Variants in LINGO2 observed in about 807,000 individuals in gnomAD.
The protein encoded by LINGO2 is leucine-rich repeat and immunoglobulin-like domain-containing nogo receptor-interacting protein 2.
In LINGO2, 14 loss-of-function variants were observed where a neutral mutation model predicts 30.6. The observed-to-expected ratio is 0.46, with a 90% CI of 0.30 to 0.72. LINGO2 has a LOEUF of 0.72. LINGO2 is among the 30% of genes least tolerant of loss of function. The probability of loss-of-function intolerance (pLI) is 0.07; values close to 1 mark genes in which losing one functional copy is unlikely to be tolerated. For missense variants in LINGO2, 729 were observed against 751.7 expected, an observed-to-expected ratio of 0.97 and a Z score of 0.35; for synonymous variants, 317 against 288.5, an observed-to-expected ratio of 1.10 and a Z score of -1.00.
intron 2 of LINGO2, among the ~76,000 whole-genome samples, chr9:28,427,910 C>T (rs1338106487): frequency 6.6e-6 from 1 of 152,034 alleles, no homozygotes; most frequent in Non-Finnish European, 1.5e-5. Flanking sequence ...GGTCAACCTC[C>T]CCTACTTTCT....
At chr9:28,186,046 C>T (rs1231737920) in intron 4 of LINGO2, among the ~76,000 whole-genome samples, 2 of 152,060 alleles carry the variant, frequency 1.3e-5, no homozygotes, top group East Asian at 1.9e-4. Flanking sequence ...CTCAGCCAAC[C>T]GTCTTCTTCC....
chr9:28,745,659 T>C, the LINGO2 span, among the ~76,000 whole-genome samples: 3 of 152,096 alleles, frequency 2.0e-5, no homozygotes, highest in African/African-American at 7.3e-5. Flanking sequence ...ATATGTGCCA[T>C]GGACTATTAT....
At chr9:28,396,427 G>C (rs140861268) in intron 2 of LINGO2, among the ~76,000 whole-genome samples, 1 of 152,042 alleles carries the variant, frequency 6.6e-6, no homozygotes, top group African/African-American at 2.4e-5. Context: ...TGATTAGGCC[G>C]GGCGCAGTGG....
At chr9:28,137,597 T>G (rs1827554602) in intron 4 of LINGO2, among the ~76,000 whole-genome samples, 1 of 151,998 alleles carries the variant, frequency 6.6e-6, no homozygotes, top group Non-Finnish European at 1.5e-5. Context: ...ATTTTATATA[T>G]TTTTATTGAT....
At chr9:29,152,473 A>T in the LINGO2 span, among the ~76,000 whole-genome samples, 8 of 152,210 alleles carry the variant, frequency 5.3e-5, no homozygotes, top group African/African-American at 1.9e-4. Flanking sequence ...GGAATATGAA[A>T]GCCATGAAAA....
chr9:28,611,399 G>C (rs185539417), intron 1 of LINGO2, among the ~76,000 whole-genome samples: 2 of 151,802 alleles, frequency 1.3e-5, no homozygotes, highest in Admixed American at 1.3e-4. Context: ...ATGTGAGAGA[G>C]AGCATCTACT....
chr9:28,553,816 A>C lies in LINGO2; in HGVS notation c.-364-77791T>G, dbSNP rs187703590. Among the ~76,000 whole-genome samples, 440 of 152,252 alleles carry C rather than the reference A, an allele frequency of 2.9e-3. 2 individuals are homozygous for C. Among genetic ancestry groups the C allele is most frequent in the African/African-American group, 0.01 (423 of 41,580 alleles). On this transcript the variant is annotated intron_variant, in intron 1 of 5. Transcript: ENST00000379992. ...GCGGATCTCTCGGCAGAAACCCTAC[A>C]AGCCAGAAGAGACTGGGGGCCGATA...
chr9:28,727,974 T>G, the LINGO2 span, among the ~76,000 whole-genome samples: 1 of 152,098 alleles, frequency 6.6e-6, no homozygotes, highest in East Asian at 1.9e-4. Context: ...AGAAGGGCCA[T>G]GGGATCTCAA....
At chr9:28,146,274 C>T (rs1488506637) in intron 4 of LINGO2, among the ~76,000 whole-genome samples, 1 of 152,100 alleles carries the variant, frequency 6.6e-6, no homozygotes, top group Non-Finnish European at 1.5e-5. Flanking sequence ...GCCCTCAAAT[C>T]CCTGCTTTCA....
At chr9:28,550,101 T>C (rs933812202) in intron 1 of LINGO2, among the ~76,000 whole-genome samples, 3 of 151,934 alleles carry the variant, frequency 2.0e-5, no homozygotes, top group Non-Finnish European at 4.4e-5. Context: ...TTTGGATTTA[T>C]TCCTATTTAT....
chr9:28,131,053 C>A (rs1050430076), intron 4 of LINGO2, among the ~76,000 whole-genome samples: 3 of 151,962 alleles, frequency 2.0e-5, no homozygotes, highest in African/African-American at 4.8e-5. Flanking sequence ...CTCCCCTTAT[C>A]TCCTCATAAT....
chr9:28,124,863 G>A (rs1004021251), intron 4 of LINGO2, among the ~76,000 whole-genome samples: 4 of 152,300 alleles, frequency 2.6e-5, no homozygotes, highest in African/African-American at 9.6e-5. Context: ...TAAATCTCTA[G>A]CGAACAAAAA....
At position 27,992,168 on chromosome 9, in the gene LINGO2, C is replaced by A. The variant is rs558668010; in HGVS notation, c.-36+20187G>T. ...GGTTGATGAATTTTCACTGAAAATA[C>A]CCCTCCAGTCCTTTGCCCTAACCTG... is the stretch of plus-strand genomic sequence containing the variant. On this transcript the variant is annotated intron_variant, in intron 5 of 5. Coordinates refer to ENST00000379992, the Ensembl canonical transcript of LINGO2. Among the ~76,000 whole-genome samples the A allele has an allele frequency of 3.8e-4, 54 of 140,998 alleles. No individual in the cohort carries two copies. In the South Asian group the frequency reaches 0.011, roughly 28 times the overall value. 92.5% of individuals were successfully genotyped at this position (140,998 alleles called of 152,430 possible).
At chr9:28,303,670 A>T (rs1824234245) in intron 3 of LINGO2, among the ~76,000 whole-genome samples, 2 of 152,104 alleles carry the variant, frequency 1.3e-5, no homozygotes, top group African/African-American at 4.8e-5. Context: ...AAGAAAAGAA[A>T]ATGTTATTAA....
intron 4 of LINGO2, among the ~76,000 whole-genome samples, chr9:28,217,564 T>A (rs1462370630): frequency 6.6e-6 from 1 of 152,066 alleles, no homozygotes; most frequent in African/African-American, 2.4e-5. Flanking sequence ...GAAGAGAGTC[T>A]TGGAAGTCTT....
At chr9:29,150,004 C>T in the LINGO2 span, among the ~76,000 whole-genome samples, 1 of 152,176 alleles carries the variant, frequency 6.6e-6, no homozygotes, top group Non-Finnish European at 1.5e-5. Context: ...GGCCTAGGAG[C>T]AGGCTTGGTA....
chr9:28,448,424 T>A (rs1173209894), intron 2 of LINGO2, among the ~76,000 whole-genome samples: 1 of 152,148 alleles, frequency 6.6e-6, no homozygotes, highest in African/African-American at 2.4e-5. Context: ...TCAAGGCTCA[T>A]ATTTTGAACT....
At chr9:28,829,288 G>A in the LINGO2 span, among the ~76,000 whole-genome samples, 2 of 152,074 alleles carry the variant, frequency 1.3e-5, no homozygotes, top group Admixed American at 6.6e-5. Context: ...ACTTACATTG[G>A]CAATAAAATC....
the LINGO2 span, among the ~76,000 whole-genome samples, chr9:28,880,059 A>C: frequency 6.6e-6 from 1 of 152,166 alleles, no homozygotes; most frequent in South Asian, 2.1e-4. Flanking sequence ...TGTATTAGGG[A>C]TAATGTAAAT....
Sources: allele counts gnomAD v4.1 joint callset (sites outside exome capture counted in the v4.1 genomes callset), GRCh38; gene constraint gnomAD v4.1.1; transcripts MANE v1.5; gene names NCBI Gene and HGNC (gene_info 2026-07-23, HGNC 2026-07-21).